ERCC4: variants seen among roughly 807,000 people sequenced by gnomAD.
The protein encoded by ERCC4 is DNA repair endonuclease XPF.
A neutral mutation model predicts 76.9 loss-of-function variants in ERCC4; 65 were observed. That is an observed-to-expected ratio of 0.84 (90% CI 0.69 to 1.04). The LOEUF is 1.04. ERCC4 is among the 50% of genes least tolerant of loss of function. The pLI is 0.00. For synonymous variants in ERCC4, 463 were observed against 410.1 expected (o/e 1.13, Z -1.56); for missense variants, 1,214 against 1,128.2 (o/e 1.08, Z -1.09).
At chr16:13,927,011 A>G (rs887033897) in intron 3 of ERCC4, among the ~76,000 whole-genome samples, 3 of 152,190 alleles carry the variant, frequency 2.0e-5, no homozygotes, top group African/African-American at 7.2e-5. Flanking sequence ...CAAGACAGCC[A>G]CTTTATTCTT....
intron 3 of ERCC4, chr16:13,927,572 A>G (rs1596621269): frequency 6.0e-6 from 1 of 165,426 alleles, no homozygotes; most frequent in East Asian, 1.8e-4. Context: ...AAAAAAAAAA[A>G]AAAAAAGAGT....
At chr16:13,937,598 G>T (rs2032326439) in intron 8 of ERCC4, among the ~76,000 whole-genome samples, 168 bp from the exon 9 acceptor site, 1 of 152,180 alleles carries the variant, frequency 6.6e-6, no homozygotes, top group South Asian at 2.1e-4. Context: ...AACAGGTGGG[G>T]TTTAGGCAGC....
Position 13,935,714 on chromosome 16 carries a change from C to T in ERCC4, c.1782C>T (p.Tyr594=), listed in dbSNP as rs2141608208. The T allele has an allele frequency of 6.2e-7, 1 of 1,614,076 alleles. No homozygotes were observed. Among genetic ancestry groups the T allele is most frequent in the Non-Finnish European group, 8.5e-7 (1 of 1,179,952 alleles). The change falls in exon 8 of 11, where the codon TAC becomes TAT. Residue 594 remains tyrosine, a synonymous_variant. Coordinates refer to ENST00000311895, the MANE Select transcript of ERCC4 (RefSeq NM_005236.3). ...ELTFVRQLEI[Y]RASRPGKPLR... ...CCTTTGTTCGGCAGCTTGAAATTTA[C>T]AGGGCGAGTAGGCCTGGGAAACCTC...
At chr16:13,923,721 A>G (rs912823987) in intron 2 of ERCC4, among the ~76,000 whole-genome samples, 8 of 152,186 alleles carry the variant, frequency 5.3e-5, no homozygotes, top group African/African-American at 1.4e-4. Flanking sequence ...TTCTTAGTAT[A>G]GTGCCTGGTA....
In ERCC4 at chr16:13,920,154, G is replaced by A. The variant is rs751823206; in HGVS notation, c.-12G>A. The A allele has an allele frequency of 6.2e-7, 1 of 1,603,172 alleles. No homozygotes were observed. Reference sequence around the variant, plus strand: ...CTTCGGCTGCGTTCGGCTGCGACCCGGAAGAGCTTCCATGGAGTCAGGGCA... The same window carrying A: ...CTTCGGCTGCGTTCGGCTGCGACCCAGAAGAGCTTCCATGGAGTCAGGGCA... On this transcript the variant is annotated 5_prime_UTR_variant, in exon 1 of 11. Coordinates refer to ENST00000311895, the MANE Select transcript of ERCC4 (RefSeq NM_005236.3).
intron 2 of ERCC4, among the ~76,000 whole-genome samples, chr16:13,925,175 C>G (rs750629840): frequency 5.9e-5 from 9 of 152,180 alleles, no homozygotes; most frequent in Non-Finnish European, 1.2e-4. Context: ...AACACCTAAC[C>G]CAGTTACCTG....
At chr16:13,925,843 T>C (rs2032061968) in intron 2 of ERCC4, among the ~76,000 whole-genome samples, 1 of 152,200 alleles carries the variant, frequency 6.6e-6, no homozygotes, top group South Asian at 2.1e-4. Context: ...TGACACAATA[T>C]ATATGAAAGA....
At chr16:13,927,719 C>A (rs1292499257) in intron 3 of ERCC4, 1 of 362,122 alleles carries the variant, frequency 2.8e-6, no homozygotes, top group Non-Finnish European at 5.2e-6. Flanking sequence ...TCTGTTATTG[C>A]CCAAAAACAA....
At chr16:13,921,113 A>G (rs3136048) in intron 1 of ERCC4, among the ~76,000 whole-genome samples, 392 of 152,166 alleles carry the variant, frequency 2.6e-3, no homozygotes, top group Admixed American at 5.2e-3. Context: ...AGTGATGAGG[A>G]TGGAAGATCT....
chr16:13,951,988 A>G lies in ERCC4; in HGVS notation c.*3641A>G. On this transcript the variant is annotated 3_prime_UTR_variant, in exon 11 of 11. Transcript: ENST00000311895. ...ATTATTTTGTTTTCTATTTTGGTTT[A>G]TAGCTATTTCTGGTTCAGTTCTGAA... The G allele has an allele frequency of 4.9e-6, 1 of 205,818 alleles. No individual in the cohort carries two copies. The highest frequency in any genetic ancestry group is 9.9e-6 in the Non-Finnish European group (1 of 100,840). 12.7% of individuals were successfully genotyped at this position (205,818 alleles called of 1,614,324 possible). A position where few individuals can be genotyped will look rare whatever the true frequency, so the allele number is the denominator to read the frequency against.
At position 13,932,241 on chromosome 16, in the gene ERCC4, A is replaced by G. The variant is rs569926448; in HGVS notation, c.1058A>G (p.Lys353Arg). The stretch of plus-strand genomic sequence containing the variant: ...CATCTTCCAGATGCCAAAATGAGTA[A>G]AAAAGAAAAAATATCTGAAAAAATG... ...VYHLPDAKMSKKEKISEKMEI... is the reference protein window; with the variant it reads ...VYHLPDAKMSRKEKISEKMEI... Residue 353 changes from lysine (K) to arginine (R), a missense_variant, in exon 6 of 11, where the codon AAA becomes AGA. Coordinates refer to ENST00000311895, the MANE Select transcript of ERCC4 (RefSeq NM_005236.3). The G allele has an allele frequency of 1.9e-6, 3 of 1,611,560 alleles. No individual in the cohort carries two copies. The highest frequency in any genetic ancestry group is 4.5e-5 in the East Asian group (2 of 44,878).
chr16:13,934,860 A>G (rs1374824667), intron 7 of ERCC4: 2 of 332,940 alleles, frequency 6.0e-6, no homozygotes, highest in African/African-American at 2.0e-5. Context: ...CTGGAAAAAA[A>G]TATTAATTAA....
intron 6 of ERCC4, 52 bp from the exon 7 acceptor site, chr16:13,934,140 C>A (rs2032236824): frequency 1.6e-6 from 2 of 1,232,226 alleles, no homozygotes; most frequent in African/African-American, 1.5e-5. Flanking sequence ...CTTTGGAAGA[C>A]TTTATGGGTA....
In ERCC4 at chr16:13,948,172, A is replaced by G. The variant is rs2032559798; in HGVS notation, c.2576A>G (p.Asn859Ser). ...QDFLLKMPGV[N>S]AKNCRSLMHH... Reference sequence around the variant, plus strand: ...TTCTTGTTAAAAATGCCAGGGGTGAATGCCAAAAACTGCCGCTCCTTGATG... The same window carrying G: ...TTCTTGTTAAAAATGCCAGGGGTGAGTGCCAAAAACTGCCGCTCCTTGATG... Residue 859 changes from asparagine to serine, a missense_variant, in exon 11 of 11, where the codon AAT becomes AGT. Coordinates refer to ENST00000311895, the MANE Select transcript of ERCC4 (RefSeq NM_005236.3). The G allele has an allele frequency of 2.5e-6, 4 of 1,614,198 alleles. No individual in the cohort carries two copies. The highest frequency in any genetic ancestry group is 2.2e-5 in the East Asian group (1 of 44,884).
chr16:13,934,435 G>C (rs1272146025), intron 7 of ERCC4, 133 bp downstream of exon 7: 2 of 711,024 alleles, frequency 2.8e-6, no homozygotes, highest in East Asian at 5.0e-5. Flanking sequence ...TTAAAACACT[G>C]CTATTTTATC....
Position 13,947,733 on chromosome 16 carries a change from G to T in ERCC4, c.2137G>T (p.Val713Phe). 3.7e-6 allele frequency: 6 copies of T among 1,614,232 alleles called. No homozygotes were observed. The highest frequency in any genetic ancestry group is 5.1e-6 in the Non-Finnish European group (6 of 1,180,046). The change falls in exon 11 of 11, where the codon GTT becomes TTT. Residue 713 changes from valine to phenylalanine, a missense_variant. Coordinates refer to ENST00000311895, the MANE Select transcript of ERCC4 (RefSeq NM_005236.3). ...GIDIEPVTLE[V>F]GDYILTPEMC... Reference sequence around the variant, plus strand: ...TGACATTGAACCCGTGACTTTAGAGGTTGGAGATTACATCCTCACTCCAGA... The same window carrying T: ...TGACATTGAACCCGTGACTTTAGAGTTTGGAGATTACATCCTCACTCCAGA...
chr16:13,932,347 A>G (rs1596624234), intron 6 of ERCC4, 62 bp downstream of exon 6: 1 of 1,494,400 alleles, frequency 6.7e-7, no homozygotes, highest in East Asian at 2.3e-5. Context: ...ATGGAAATTT[A>G]AAGTGCAATT....
Position 13,947,913 on chromosome 16 carries a change from G to C in ERCC4, c.2317G>C (p.Gly773Arg), listed in dbSNP as rs1204583520. The C allele has an allele frequency of 5.0e-6, 8 of 1,614,034 alleles. No homozygotes were observed. Among genetic ancestry groups the C allele is most frequent in the Middle Eastern group, 1.6e-4 (1 of 6,062 alleles). The stretch of plus-strand genomic sequence containing the variant: ...CAAGCCTTTCTCTCTCACTTCCCGA[G>C]GTGCCTTGTTTCAGGAGATCTCCAG... ...PSKPFSLTSRGALFQEISSND... is the reference protein window; with the variant it reads ...PSKPFSLTSRRALFQEISSND... The change falls in exon 11 of 11, where the codon GGT becomes CGT. Residue 773 changes from glycine to arginine, a missense_variant. Transcript: ENST00000311895.
chr16:13,928,572 A>G (rs1261349179), intron 4 of ERCC4, among the ~76,000 whole-genome samples: 1 of 152,180 alleles, frequency 6.6e-6, no homozygotes, highest in Non-Finnish European at 1.5e-5. Context: ...AGAATGCTCC[A>G]TAATTGTACA....
Sources: gnomAD v4.1 joint callset for allele counts (sites outside exome capture counted in the v4.1 genomes callset) on GRCh38, gnomAD v4.1.1 for gene constraint, MANE v1.5 for transcripts, NCBI Gene and HGNC (gene_info 2026-07-23, HGNC 2026-07-21) for gene names.